The following PSMB6 variants were observed in gnomAD, a reference collection of about 807,000 sequenced individuals.
PSMB6 encodes proteasome 20S subunit beta 6, also known as proteasome subunit beta type-6.
Under a neutral mutation model 28.2 loss-of-function variants are expected in PSMB6, and 11 were observed. The observed-to-expected ratio is 0.39, with a 90% CI of 0.25 to 0.65. The LOEUF (loss-of-function observed/expected upper bound fraction) is 0.65. Ranked by LOEUF, PSMB6 falls within the 30% of genes least tolerant of loss-of-function variation. PSMB6 has a pLI of 0.48. For missense variants in PSMB6, 268 were observed against 319.4 expected (o/e 0.84, Z 1.23); for synonymous variants, 126 against 117.7 (o/e 1.07, Z -0.45).
At position 4,798,396 on chromosome 17, in the gene PSMB6, G is replaced by T; in HGVS notation, c.694G>T (p.Ala232Ser). The T allele has an allele frequency of 1.2e-6, 2 of 1,614,158 alleles. No homozygotes were observed. Among genetic ancestry groups the T allele is most frequent in the Non-Finnish European group, 1.7e-6 (2 of 1,180,014 alleles). ...TTTGGGAGACCAGATACCCAAATTCGCCGTTGCCACTTTACCACCCGCCTG... is the reference window on the plus strand; with the variant it reads ...TTTGGGAGACCAGATACCCAAATTCTCCGTTGCCACTTTACCACCCGCCTG... ...VLLGDQIPKF[A>S]VATLPPA Residue 232 changes from alanine (A) to serine (S), a missense_variant, in exon 6 of 6, where the codon GCC becomes TCC. By Grantham distance (99) the Ala-to-Ser change is moderately conservative (BLOSUM62 1). Coordinates refer to ENST00000270586, the MANE Select transcript of PSMB6 (RefSeq NM_002798.3).
chr17:4,797,226 A>C (rs1905356183), intron 2 of PSMB6: 1 of 558,016 alleles, frequency 1.8e-6, no homozygotes, highest in South Asian at 2.9e-5. Context: ...AGGGCTAGAG[A>C]ATCGCTTGGA....
At position 4,796,248 on chromosome 17, in the gene PSMB6, GC is replaced by G; in HGVS notation, c.56del (p.Pro19ArgfsTer46). The G allele has an allele frequency of 1.9e-6, 3 of 1,592,464 alleles. No individual in the cohort carries two copies. Among genetic ancestry groups the G allele is most frequent in the Non-Finnish European group, 2.6e-6 (3 of 1,169,746 alleles). On this transcript the variant is annotated frameshift_variant, in exon 1 of 6. Coordinates refer to ENST00000270586, the MANE Select transcript of PSMB6 (RefSeq NM_002798.3). LOFTEE classifies it high-confidence loss of function. ...RGAGPAPAWG[P>X]EAFTPDWESR... Reference sequence around the variant, plus strand: ...GAGCCGGGCCAGCACCGGCTTGGGGGCCGGAGGCGTTCACTCCAGACTGGGA... The same window carrying G: ...GAGCCGGGCCAGCACCGGCTTGGGGGCGGAGGCGTTCACTCCAGACTGGGA...
rs1445233006 is a variant in PSMB6 at position 4,798,461 on chromosome 17, C to T, written c.*39C>T. ...AGTATGCAATAAGAGATGCCCTGTA[C>T]TGATGCAAAATTTAATAAAGTTTGT... On this transcript the variant is annotated 3_prime_UTR_variant, in exon 6 of 6. Transcript: ENST00000270586. 3.2e-6 allele frequency: 5 copies of T among 1,563,352 alleles called. No individual in the cohort carries two copies. The highest frequency in any genetic ancestry group is 4.3e-6 in the Non-Finnish European group (5 of 1,155,324).
intron 3 of PSMB6, 40 bp downstream of exon 3, chr17:4,797,609 T>G (rs144932617): frequency 6.3e-7 from 1 of 1,597,498 alleles, no homozygotes; most frequent in East Asian, 2.2e-5. Context: ...CTGAAGGGAG[T>G]TGGAAGCTGA....
At chr17:4,796,342 C>A in intron 1 of PSMB6, 46 bp downstream of exon 1, 1 of 1,430,342 alleles carries the variant, frequency 7.0e-7, no homozygotes, top group Non-Finnish European at 9.6e-7. Context: ...AGGCCTGACG[C>A]GATGGGAAGA....
Position 4,798,465 on chromosome 17 carries a change from T to C in PSMB6, c.*43T>C. The C allele has an allele frequency of 6.4e-7, 1 of 1,556,818 alleles. No homozygotes were observed. The highest frequency in any genetic ancestry group is 8.7e-7 in the Non-Finnish European group (1 of 1,151,688). ...TGCAATAAGAGATGCCCTGTACTGA[T>C]GCAAAATTTAATAAAGTTTGTCACA... On this transcript the variant is annotated 3_prime_UTR_variant, in exon 6 of 6. Transcript: ENST00000270586.
chr17:4,798,285 G>A lies in PSMB6; in HGVS notation c.583G>A (p.Ala195Thr), dbSNP rs553921552. Residue 195 changes from alanine to threonine, a missense_variant, in exon 6 of 6, where the codon GCT (alanine) becomes ACT (threonine). Ala to Thr is a moderately conservative substitution (Grantham distance 58). Transcript: ENST00000270586. The stretch of plus-strand genomic sequence containing the variant: ...CTTTCTTCTTTTATCCACAGCTCTC[G>A]CTTTGGCCATGGAGCGGGATGGCTC... ...ECLQFTANAL[A>T]LAMERDGSSG... 65 of 1,613,962 alleles carry A rather than the reference G, an allele frequency of 4.0e-5. 1 individual carries two copies. Among genetic ancestry groups the A allele is most frequent in the South Asian group, 3.6e-4 (33 of 91,084 alleles).
chr17:4,797,407 CTCCTT>C, intron 2 of PSMB6, 26 bp from the exon 3 acceptor site: 1 of 1,530,346 alleles, frequency 6.5e-7, no homozygotes. Context: ...GACAGGTGGG[CTCCTT>C]TCCTCACTAT....
Position 4,797,918 on chromosome 17 carries a change from C to T in PSMB6, c.433-91C>T, listed in dbSNP as rs138516899. 177 of 1,602,052 alleles carry T rather than the reference C, an allele frequency of 1.1e-4. No individual in the cohort carries two copies. In the African/African-American group the frequency reaches 1.9e-3, roughly 17 times the overall value. On this transcript the variant is annotated intron_variant, in intron 4 of 5. Transcript: ENST00000270586. ...CTACCTCACTTATTCTTACTATTAA[C>T]GTGCCTCAGACCAATAGCAGAATGG...
At chr17:4,796,887 TG>T (rs1041297132) in intron 2 of PSMB6, 92 bp downstream of exon 2, 2 of 1,096,452 alleles carry the variant, frequency 1.8e-6, no homozygotes, top group Non-Finnish European at 2.7e-6. Flanking sequence ...CAGACCACTG[TG>T]GGAAGAGAGG....
downstream of PSMB6, chr17:4,798,495 AT>A (rs1267042805): frequency 1.3e-6 from 2 of 1,516,948 alleles, no homozygotes; most frequent in Non-Finnish European, 1.8e-6. Context: ...GTCACAGAGA[AT>A]CTTTGTACTT....
Position 4,797,991 on chromosome 17 carries a change from T to C in PSMB6, c.433-18T>C. On this transcript the variant is annotated intron_variant, in intron 4 of 5. Coordinates refer to ENST00000270586, the MANE Select transcript of PSMB6 (RefSeq NM_002798.3). The stretch of plus-strand genomic sequence containing the variant: ...GAGGGAGGATACGACTGGTGACTCC[T>C]CTCCTTCTATCTGGCAGGTGTACTC... 1 of 1,613,946 alleles carries C rather than the reference T, an allele frequency of 6.2e-7. No individual in the cohort carries two copies. Among genetic ancestry groups the C allele is most frequent in the Non-Finnish European group, 8.5e-7 (1 of 1,179,886 alleles).
chr17:4,797,632 C>T, intron 3 of PSMB6, 50 bp from the exon 4 acceptor site: 1 of 1,605,226 alleles, frequency 6.2e-7, no homozygotes, highest in Non-Finnish European at 8.5e-7. Context: ...AGCTAAATAG[C>T]CTGACTTCTA....
rs1312425998 is a variant in PSMB6, at chr17:4,797,707, G to A, written c.328G>A (p.Val110Ile). 4 of 1,613,968 alleles carry A rather than the reference G, an allele frequency of 2.5e-6. No homozygotes were observed. The African/African-American group carries it at 5.3e-5, about 22-fold the overall frequency. ...CATTGAACTGAATGAGCCTCCACTG[G>A]TCCACACAGCAGCCAGCCTCTTTAA... Reference protein sequence around the residue: ...HSIELNEPPLVHTAASLFKEM... With the variant: ...HSIELNEPPLIHTAASLFKEM... Residue 110 changes from valine to isoleucine, a missense_variant, in exon 4 of 6, where the codon GTC becomes ATC. Transcript: ENST00000270586.
intron 1 of PSMB6, 113 bp from the exon 2 acceptor site, chr17:4,796,615 T>C: frequency 3.8e-6 from 4 of 1,058,324 alleles, no homozygotes; most frequent in Non-Finnish European, 5.9e-6. Flanking sequence ...CCTATAAGAT[T>C]TGAAAATGGT....
intron 1 of PSMB6, 52 bp downstream of exon 1, chr17:4,796,348 G>A (rs1166193214): frequency 1.4e-6 from 2 of 1,407,806 alleles, no homozygotes; most frequent in African/African-American, 1.4e-5. Flanking sequence ...GACGCGATGG[G>A]AAGATAAAGC....
chr17:4,796,853 G>T, intron 2 of PSMB6, 58 bp downstream of exon 2: 2 of 1,436,748 alleles, frequency 1.4e-6, no homozygotes, highest in Non-Finnish European at 9.8e-7. Context: ...TTTCCTGCCT[G>T]CCAGCCCACC....
intron 2 of PSMB6, 128 bp downstream of exon 2, chr17:4,796,923 A>T (rs1905347406): frequency 1.9e-5 from 16 of 830,048 alleles, no homozygotes; most frequent in Non-Finnish European, 2.9e-5. Context: ...GGAGATAAAG[A>T]TTTGTCCCAA....
chr17:4,798,121 C>T lies in PSMB6; in HGVS notation c.545C>T (p.Thr182Ile). The T allele has an allele frequency of 6.2e-7, 1 of 1,614,162 alleles. No homozygotes were observed. The highest frequency in any genetic ancestry group is 8.5e-7 in the Non-Finnish European group (1 of 1,180,030). Residue 182 changes from threonine to isoleucine, a missense_variant, in exon 5 of 6, where the codon ACC (threonine) becomes ATC (isoleucine). Transcript: ENST00000270586. ...YVDATYREGM[T>I]KEECLQFTAN... The stretch of plus-strand genomic sequence containing the variant: ...GATGCTACCTACCGGGAAGGCATGA[C>T]CAAGGAAGAGTGTCTGCAATTCACT...
Sources: allele counts gnomAD v4.1 joint callset, GRCh38; gene constraint gnomAD v4.1.1; transcripts MANE v1.5; gene names NCBI Gene and HGNC (gene_info 2026-07-23, HGNC 2026-07-21).